COL21A1: variants seen among roughly 807,000 people sequenced by gnomAD.
The protein encoded by COL21A1 is collagen type XXI alpha 1 chain.
Under a neutral mutation model 137.9 loss-of-function variants are expected in COL21A1, and 149 were observed. The observed-to-expected ratio is 1.08, with a 90% CI of 0.95 to 1.24. COL21A1 has a LOEUF of 1.24. Ranked by LOEUF, COL21A1 falls within the 50% of genes most tolerant of loss-of-function variation. The probability of loss-of-function intolerance (pLI) is 0.00; values close to 1 mark genes in which losing one functional copy is unlikely to be tolerated. For missense variants in COL21A1, 1,167 were observed against 1,158.4 expected (o/e 1.01, Z -0.11); for synonymous variants, 456 against 391.5 (o/e 1.16, Z -1.95).
chr6:56,363,224 C>T (rs1053064193), intron 1 of COL21A1, among the ~76,000 whole-genome samples: 4 of 152,220 alleles, frequency 2.6e-5, no homozygotes, highest in African/African-American at 9.6e-5. Flanking sequence ...CAGGCTTAGG[C>T]CTCGTTCTCC....
chr6:56,070,993 T>C (rs1028390), intron 20 of COL21A1, among the ~76,000 whole-genome samples, 195 bp from the exon 21 acceptor site: 22,866 of 151,548 alleles, frequency 0.15, 1,757 homozygotes, highest in Middle Eastern at 0.22. Context: ...GGGTTCCACA[T>C]ATTCATAAGC....
At chr6:56,346,243 A>G (rs1414158265) in intron 1 of COL21A1, among the ~76,000 whole-genome samples, 1 of 152,144 alleles carries the variant, frequency 6.6e-6, no homozygotes, top group African/African-American at 2.4e-5. Flanking sequence ...CACCAGCAGC[A>G]ATTGCTGATA....
chr6:56,067,195 T>C, intron 23 of COL21A1, 100 bp downstream of exon 23: 1 of 989,592 alleles, frequency 1.0e-6, no homozygotes, highest in Middle Eastern at 2.6e-4. Flanking sequence ...AACAACTTTA[T>C]ATTAATGTTG....
chr6:56,372,531 TAATG>T (rs1463633087), intron 1 of COL21A1, among the ~76,000 whole-genome samples: 3 of 152,148 alleles, frequency 2.0e-5, no homozygotes, highest in Admixed American at 6.5e-5. Context: ...TCTACACTAA[TAATG>T]AACACAGCAC....
intron 1 of COL21A1, among the ~76,000 whole-genome samples, chr6:56,271,694 T>C (rs950632390): frequency 1.3e-5 from 2 of 152,162 alleles, no homozygotes; most frequent in Non-Finnish European, 2.9e-5. Context: ...CCCAAAGGTC[T>C]AGGAGGAAAA....
chr6:56,205,099 G>A (rs749077393), intron 1 of COL21A1, among the ~76,000 whole-genome samples: 3 of 151,906 alleles, frequency 2.0e-5, no homozygotes, highest in East Asian at 1.9e-4. Flanking sequence ...ATCACAACTC[G>A]CTAGCAAGGG....
At chr6:56,142,062 C>A (rs1346655189) in intron 10 of COL21A1, 79 bp from the exon 11 acceptor site, 10 of 1,067,024 alleles carry the variant, frequency 9.4e-6, no homozygotes, top group South Asian at 7.9e-5. Flanking sequence ...AGAATTCACT[C>A]TTATCTCAAG....
chr6:56,366,973 T>G (rs1766115681), intron 1 of COL21A1, among the ~76,000 whole-genome samples: 1 of 152,280 alleles, frequency 6.6e-6, no homozygotes, highest in Non-Finnish European at 1.5e-5. Flanking sequence ...CTCAATTTAC[T>G]TAACAAAAAA....
chr6:56,097,972 T>TAA (rs1562188942), intron 17 of COL21A1, among the ~76,000 whole-genome samples: 1 of 55,450 alleles, frequency 1.8e-5, no homozygotes, highest in Non-Finnish European at 2.9e-5. Flanking sequence ...TATAAATATA[T>TAA]AAATATATAT....
At chr6:56,151,027 T>C (rs2152250145) in intron 10 of COL21A1, among the ~76,000 whole-genome samples, 1 of 151,794 alleles carries the variant, frequency 6.6e-6, no homozygotes, top group African/African-American at 2.4e-5. Context: ...ATCAAGACCA[T>C]CCTGGCTAAC....
intron 17 of COL21A1, among the ~76,000 whole-genome samples, chr6:56,090,592 G>A (rs1234660186): frequency 1.3e-5 from 2 of 152,040 alleles, no homozygotes; most frequent in African/African-American, 4.8e-5. Context: ...GATAAACTGA[G>A]CATTTACATT....
intron 17 of COL21A1, among the ~76,000 whole-genome samples, chr6:56,088,648 T>C (rs564874108): frequency 2.0e-5 from 3 of 152,312 alleles, no homozygotes; most frequent in Admixed American, 6.5e-5. Flanking sequence ...TAAAACCTTT[T>C]CTTATAATGT....
chr6:56,124,630 T>TTTG (rs1554140096), intron 14 of COL21A1, among the ~76,000 whole-genome samples: 71 of 150,680 alleles, frequency 4.7e-4, no homozygotes, highest in African/African-American at 1.6e-3. Flanking sequence ...TGGACATGTT[T>TTTG]TTTGTTTGTT....
intron 1 of COL21A1, among the ~76,000 whole-genome samples, chr6:56,299,836 A>C (rs1764240765): frequency 6.6e-6 from 1 of 152,086 alleles, no homozygotes; most frequent in Non-Finnish European, 1.5e-5. Context: ...ATGTTCCTAA[A>C]ATAAAAGGGA....
chr6:56,304,459 G>T (rs1764385415), intron 1 of COL21A1, among the ~76,000 whole-genome samples: 2 of 152,146 alleles, frequency 1.3e-5, no homozygotes, highest in African/African-American at 2.4e-5. Flanking sequence ...GTTTAGTCTT[G>T]GGAGGGTGTA....
At chr6:56,275,354 T>C (rs1763617712) in intron 1 of COL21A1, among the ~76,000 whole-genome samples, 1 of 152,142 alleles carries the variant, frequency 6.6e-6, no homozygotes. Context: ...AAACAAAAAT[T>C]GACAACTGGG....
intron 12 of COL21A1, among the ~76,000 whole-genome samples, chr6:56,140,938 AC>A (rs1214755362): frequency 1.3e-5 from 2 of 152,156 alleles, no homozygotes; most frequent in Non-Finnish European, 2.9e-5. Flanking sequence ...CAACATAATG[AC>A]CCAAAACAAT....
chr6:56,119,755 A>C (rs1416726890), intron 16 of COL21A1, among the ~76,000 whole-genome samples: 26 of 152,166 alleles, frequency 1.7e-4, no homozygotes, highest in Admixed American at 1.6e-3. Context: ...ACAAATCTAC[A>C]TACCTACAGT....
At chr6:56,161,589 A>G (rs945549925) in intron 9 of COL21A1, among the ~76,000 whole-genome samples, 1 of 152,142 alleles carries the variant, frequency 6.6e-6, no homozygotes, top group Non-Finnish European at 1.5e-5. Flanking sequence ...CTTTTTATTA[A>G]CCTTTATTGT....
Sources: allele counts gnomAD v4.1 joint callset (sites outside exome capture counted in the v4.1 genomes callset), GRCh38; gene constraint gnomAD v4.1.1; transcripts MANE v1.5; gene names NCBI Gene and HGNC (gene_info 2026-07-23, HGNC 2026-07-21).